Variants in HOXC5 observed in about 807,000 individuals in gnomAD.
HOXC5 encodes homeobox protein Hox-C5.
A neutral mutation model predicts 20.1 loss-of-function variants in HOXC5; 19 were observed. That is an observed-to-expected ratio of 0.94 (90% CI 0.66 to 1.38). The LOEUF is 1.38. Ranked by LOEUF, HOXC5 falls within the 40% of genes most tolerant of loss-of-function variation. The pLI is 0.00. For missense variants in HOXC5, 330 were observed against 300.1 expected, an observed-to-expected ratio of 1.10 and a Z score of -0.74; for synonymous variants, 124 against 117.0, an observed-to-expected ratio of 1.06 and a Z score of -0.39.
chr12:54,028,600 A>C (rs772493927), upstream of HOXC5: 15 of 1,614,016 alleles, frequency 9.3e-6, no homozygotes, highest in Non-Finnish European at 1.3e-5. Flanking sequence ...CGTCGCCCTC[A>C]ATTCCACCGC....
chr12:54,027,694 G>GA, the HOXC5 span, among the ~76,000 whole-genome samples: 1 of 152,002 alleles, frequency 6.6e-6, no homozygotes, highest in Non-Finnish European at 1.5e-5. Flanking sequence ...TTTCCCAACA[G>GA]AGGGGTCCTG....
At chr12:54,030,204 A>T, upstream of HOXC5, 1 of 433,582 alleles carries the variant, frequency 2.3e-6, no homozygotes, top group East Asian at 3.7e-5. Context: ...CGGCTTGTCT[A>T]CAGGCCCTTT....
At chr12:54,017,496 G>T in the HOXC5 span, 1 of 151,996 alleles carries the variant, frequency 6.6e-6, no homozygotes, top group Non-Finnish European at 1.5e-5. Context: ...GCTTCTCTTG[G>T]TTAGGGAGAA....
chr12:54,029,565 G>T, upstream of HOXC5: 1 of 1,385,694 alleles, frequency 7.2e-7, no homozygotes, highest in African/African-American at 1.4e-5. Context: ...TGCTGGCCAG[G>T]TTGGGAGGGT....
the HOXC5 span, chr12:54,021,293 G>A: frequency 6.6e-6 from 1 of 152,220 alleles, no homozygotes; most frequent in East Asian, 1.9e-4. Context: ...TCTGGTTACT[G>A]GATGAACTGC....
At chr12:54,032,795 C>CT (rs113659413), upstream of HOXC5, 142 of 157,112 alleles carry the variant, frequency 9.0e-4, no homozygotes, top group African/African-American at 1.7e-3. Flanking sequence ...TTCCAAGAAC[C>CT]TTTTTTTTTT....
the HOXC5 span, among the ~76,000 whole-genome samples, chr12:54,018,010 G>A: frequency 2.0e-5 from 3 of 152,214 alleles, no homozygotes; most frequent in Non-Finnish European, 2.9e-5. Context: ...GGCGGCCGGC[G>A]GGGCCTGTTA....
chr12:54,024,888 G>A, the HOXC5 span, among the ~76,000 whole-genome samples: 1 of 152,246 alleles, frequency 6.6e-6, no homozygotes, highest in African/African-American at 2.4e-5. Flanking sequence ...GCTATCAAAA[G>A]CATGTGTTTT....
At chr12:54,023,474 C>T in the HOXC5 span, among the ~76,000 whole-genome samples, 2 of 152,142 alleles carry the variant, frequency 1.3e-5, no homozygotes, top group African/African-American at 4.8e-5. Flanking sequence ...CCTTTCTTCT[C>T]CGTTTAATTG....
chr12:54,032,166 A>T (rs1941009955), upstream of HOXC5, among the ~76,000 whole-genome samples: 1 of 152,170 alleles, frequency 6.6e-6, no homozygotes, highest in South Asian at 2.1e-4. Context: ...CCACACACAC[A>T]CTTGAAAATT....
upstream of HOXC5, chr12:54,030,816 A>G (rs1343746810): frequency 6.6e-6 from 1 of 152,268 alleles, no homozygotes. Flanking sequence ...ATTATTTTTA[A>G]AACTTTATAC....
chr12:54,028,975 C>T, upstream of HOXC5: 1 of 1,514,630 alleles, frequency 6.6e-7, no homozygotes, highest in Non-Finnish European at 8.9e-7. Context: ...GGCTTTATGA[C>T]CGGCTTCCCT....
At chr12:54,024,354 G>A in the HOXC5 span, among the ~76,000 whole-genome samples, 4 of 152,248 alleles carry the variant, frequency 2.6e-5, no homozygotes, top group South Asian at 8.3e-4. Context: ...TCCCCGAGCA[G>A]CCTCAGGAGG....
At chr12:54,029,018 C>A (rs903052134), upstream of HOXC5, 1 of 1,218,204 alleles carries the variant, frequency 8.2e-7, no homozygotes, top group Non-Finnish European at 1.1e-6. Context: ...TTTTATGGCC[C>A]CATAAAAACA....
chr12:54,033,802 G>A (rs1311591329), intron 1 of HOXC5: 18 of 575,184 alleles, frequency 3.1e-5, no homozygotes, highest in Non-Finnish European at 4.9e-5. Context: ...TTCAATTTTT[G>A]GGGGAGAGGG....
upstream of HOXC5, chr12:54,029,611 G>T: frequency 6.3e-7 from 1 of 1,583,352 alleles, no homozygotes; most frequent in Non-Finnish European, 8.6e-7. Context: ...TGCAGAGGAC[G>T]CTTTGCTGAT....
rs1449715770 is a variant in HOXC5 at position 54,033,121 on chromosome 12, C to T, written c.-2C>T. ...CAGAAATTTTTTTGGGCCCTCCCCG[C>T]CATGAGCTCCTACGTAGCCAATTCA... On this transcript the variant is annotated 5_prime_UTR_variant, in exon 1 of 2. Coordinates refer to ENST00000312492, the MANE Select transcript of HOXC5 (RefSeq NM_018953.4). 2 of 1,597,188 alleles carry T rather than the reference C, an allele frequency of 1.3e-6. No individual in the cohort carries two copies. Among genetic ancestry groups the T allele is most frequent in the Non-Finnish European group, 8.6e-7 (1 of 1,166,652 alleles).
In HOXC5 at chr12:54,034,321, G is replaced by C; in HGVS notation, c.498G>C (p.Gln166His). ...KRSRTSYTRY[Q>H]TLELEKEFHF... ...CCCGAACCAGTTACACGCGCTACCA[G>C]ACTCTGGAACTCGAGAAAGAATTCC... The change falls in exon 2 of 2, where the codon CAG (glutamine) becomes CAC (histidine). Residue 166 changes from glutamine (Q) to histidine (H), a missense_variant. Gln to His is a conservative substitution (Grantham distance 24). Coordinates refer to ENST00000312492, the MANE Select transcript of HOXC5 (RefSeq NM_018953.4). 6.2e-7 allele frequency: 1 copy of C among 1,614,194 alleles called. No individual in the cohort carries two copies. The highest frequency in any genetic ancestry group is 8.5e-7 in the Non-Finnish European group (1 of 1,180,044).
At chr12:54,032,804 T>A (rs1219284167), upstream of HOXC5, 1 of 169,848 alleles carries the variant, frequency 5.9e-6, no homozygotes, top group African/African-American at 2.4e-5. Context: ...CCTTTTTTTT[T>A]TTTTCCCTCC....
Sources: gnomAD v4.1 joint callset for allele counts (sites outside exome capture counted in the v4.1 genomes callset) on GRCh38, gnomAD v4.1.1 for gene constraint, MANE v1.5 for transcripts, NCBI Gene and HGNC (gene_info 2026-07-23, HGNC 2026-07-21) for gene names.